SMC1B: variants seen among roughly 807,000 people sequenced by gnomAD.
The protein encoded by SMC1B is structural maintenance of chromosomes 1B, also known as structural maintenance of chromosomes protein 1B.
Under a neutral mutation model 157.9 loss-of-function variants are expected in SMC1B, and 60 were observed. The observed-to-expected ratio is 0.38, with a 90% CI of 0.31 to 0.47. SMC1B has a LOEUF of 0.47. Among genes scored for constraint, SMC1B ranks in the 20% least tolerant of loss-of-function variants. The pLI, the probability that SMC1B is intolerant of heterozygous loss-of-function variation, is 0.99. For synonymous variants in SMC1B, 445 were observed against 483.0 expected (o/e 0.92, Z 1.03); for missense variants, 1,165 against 1,426.2 (o/e 0.82, Z 2.95).
chr22:45,364,884 C>A (rs1404584796), intron 15 of SMC1B, among the ~76,000 whole-genome samples: 1 of 136,528 alleles, frequency 7.3e-6, no homozygotes, highest in Non-Finnish European at 1.5e-5. Flanking sequence ...GTTGCCCAGG[C>A]TGGAGAGCAG....
chr22:45,363,045 G>T lies in SMC1B; in HGVS notation c.2421-19C>A. On this transcript the variant is annotated intron_variant, in intron 15 of 24. Transcript: ENST00000357450. ...TTCTAATCTAGTATAATAAAGTCAA[G>T]CATTACAAGTGTAAACAGAAAACTT... 6.5e-7 allele frequency: 1 copy of T among 1,528,398 alleles called. No homozygotes were observed. 94.7% of individuals were successfully genotyped at this position (1,528,398 alleles called of 1,614,324 possible).
chr22:45,372,926 G>T (rs527312925), intron 12 of SMC1B, among the ~76,000 whole-genome samples: 1 of 151,960 alleles, frequency 6.6e-6, no homozygotes, highest in African/African-American at 2.4e-5. Flanking sequence ...TGTTAGCCAG[G>T]ATCATCTCGA....
At chr22:45,366,352 T>C (rs2086776008) in intron 15 of SMC1B, among the ~76,000 whole-genome samples, 1 of 152,120 alleles carries the variant, frequency 6.6e-6, no homozygotes, top group African/African-American at 2.4e-5. Flanking sequence ...AGAACCTCAA[T>C]AAACATTGTA....
At chr22:45,356,212 T>C (rs1432951241) in intron 19 of SMC1B, among the ~76,000 whole-genome samples, 1 of 152,178 alleles carries the variant, frequency 6.6e-6, no homozygotes, top group Non-Finnish European at 1.5e-5. Flanking sequence ...GATCCACTTC[T>C]CCATCCTGGA....
At chr22:45,409,717 A>C (rs1459637931) in intron 1 of SMC1B, among the ~76,000 whole-genome samples, 1 of 152,192 alleles carries the variant, frequency 6.6e-6, no homozygotes, top group Non-Finnish European at 1.5e-5. Flanking sequence ...TGATACTGTT[A>C]TCTTTTGAAA....
intron 15 of SMC1B, among the ~76,000 whole-genome samples, chr22:45,364,020 T>C (rs1315487962): frequency 6.6e-6 from 1 of 152,124 alleles, no homozygotes. Flanking sequence ...GGCTAATTTT[T>C]GTATTTTTAA....
intron 1 of SMC1B, among the ~76,000 whole-genome samples, chr22:45,411,103 A>C (rs919386111): frequency 1.3e-5 from 2 of 152,254 alleles, no homozygotes; most frequent in Admixed American, 1.3e-4. Context: ...TATTCCATTA[A>C]ATTTCATTAA....
chr22:45,364,278 C>CA (rs1373661530), intron 15 of SMC1B, among the ~76,000 whole-genome samples: 2 of 152,154 alleles, frequency 1.3e-5, no homozygotes, highest in African/African-American at 4.8e-5. Flanking sequence ...CCTGCCCCCC[C>CA]ACCACACCCT....
chr22:45,413,556 C>T lies in SMC1B; in HGVS notation c.12G>A (p.Leu4=). 6.2e-7 allele frequency: 1 copy of T among 1,607,926 alleles called. No homozygotes were observed. ...TGAAATTTTCCACAAGCAGCAGCTCCAGGTGGGCCATGGCGCCGCCCTCCA... is the reference window on the plus strand; with the variant it reads ...TGAAATTTTCCACAAGCAGCAGCTCTAGGTGGGCCATGGCGCCGCCCTCCA... The part of the protein sequence containing the change: MAH[L]ELLLVENFKS... The change falls in exon 1 of 25, where the codon CTG becomes CTA. Residue 4 remains leucine (L), a synonymous_variant. Coordinates refer to ENST00000357450, the MANE Select transcript of SMC1B (RefSeq NM_148674.5).
At chr22:45,408,251 G>T (rs1444196221) in intron 2 of SMC1B, among the ~76,000 whole-genome samples, 1 of 152,088 alleles carries the variant, frequency 6.6e-6, no homozygotes, top group Non-Finnish European at 1.5e-5. Context: ...TCAGCCTCCC[G>T]AGTAGCTGGG....
chr22:45,402,804 C>A (rs2087212578), intron 4 of SMC1B, among the ~76,000 whole-genome samples: 1 of 152,200 alleles, frequency 6.6e-6, no homozygotes, highest in Non-Finnish European at 1.5e-5. Context: ...ATGATGAGAA[C>A]AAAGAAGTGG....
At chr22:45,371,413 T>C in intron 14 of SMC1B, 58 bp downstream of exon 14, 1 of 1,473,782 alleles carries the variant, frequency 6.8e-7, no homozygotes, top group Non-Finnish European at 8.9e-7. Flanking sequence ...AAGCCCTAAA[T>C]CTAGTATCTG....
chr22:45,392,107 C>G (rs1275473620), intron 9 of SMC1B, among the ~76,000 whole-genome samples: 1 of 152,090 alleles, frequency 6.6e-6, no homozygotes, highest in Non-Finnish European at 1.5e-5. Context: ...CCACCACGCC[C>G]AGCTAAATTT....
At chr22:45,394,660 A>T (rs2087102657) in intron 8 of SMC1B, 25 bp downstream of exon 8, 1 of 1,502,020 alleles carries the variant, frequency 6.7e-7, no homozygotes, top group Admixed American at 2.4e-5. Context: ...AAATTGCTGC[A>T]AGAAATTTTT....
In SMC1B at chr22:45,407,386, G is replaced by GAC. The variant is rs1384012752; in HGVS notation, c.299-523_299-522dup. Among the ~76,000 whole-genome samples the GAC allele has an allele frequency of 6.6e-5, 10 of 152,060 alleles. No individual in the cohort carries two copies. In the East Asian group the frequency reaches 1.3e-3, roughly 21 times the overall value. On this transcript the variant is annotated intron_variant, in intron 2 of 24. Transcript: ENST00000357450. ...TGATAGCTTATCTTCACATGTACAG[G>GAC]ACAAAGGACAGAACTCAGTCATCCC...
At position 45,344,558 on chromosome 22, in the gene SMC1B, A is replaced by G; in HGVS notation, c.3706T>C (p.Ter1236GlnextTer16). The change falls in exon 25 of 25, where the codon TAG becomes CAG. Residue 1236 changes from the stop codon to glutamine, a stop_lost. Transcript: ENST00000357450. Reference sequence around the variant, plus strand: ...AGGTGACTGCTGCAGGACTGCCCCTAGCGGGACTCTCCGTGTCTCTTGCTG... The same window carrying G: ...AGGTGACTGCTGCAGGACTGCCCCTGGCGGGACTCTCCGTGTCTCTTGCTG... ...ESSKRHGESR[*>Q] 1 of 1,610,718 alleles carries G rather than the reference A, an allele frequency of 6.2e-7. No homozygotes were observed. Among genetic ancestry groups the G allele is most frequent in the Non-Finnish European group, 8.5e-7 (1 of 1,176,892 alleles).
chr22:45,353,922 A>G, intron 21 of SMC1B, 56 bp downstream of exon 21: 2 of 1,033,198 alleles, frequency 1.9e-6, no homozygotes, highest in Non-Finnish European at 2.8e-6. Context: ...AAAAAAAAAC[A>G]ACCACCACCG....
chr22:45,388,986 C>CAAAAAAAAAAAAAA (rs371475132), intron 10 of SMC1B, among the ~76,000 whole-genome samples: 1 of 54,446 alleles, frequency 1.8e-5, no homozygotes, highest in Non-Finnish European at 3.5e-5. Context: ...GACTCTGCCT[C>CAAAAAAAAAAAAAA]AAAAAAAAAA....
Position 45,408,879 on chromosome 22 carries a change from A to G in SMC1B, c.129T>C (p.Asp43=). ...TCTCTCCCATTACAAAACTAAGTGC[A>G]TCCATTACATTAGATTTTCCTGGGG... ...PNGSGKSNVM[D]ALSFVMGEKI... Residue 43 remains aspartate (D), a synonymous_variant, in exon 2 of 25, where the codon GAT becomes GAC. Coordinates refer to ENST00000357450, the MANE Select transcript of SMC1B (RefSeq NM_148674.5). 1 of 1,525,126 alleles carries G rather than the reference A, an allele frequency of 6.6e-7. No homozygotes were observed. Among genetic ancestry groups the G allele is most frequent in the Non-Finnish European group, 8.8e-7 (1 of 1,140,140 alleles). 94.5% of individuals were successfully genotyped at this position (1,525,126 alleles called of 1,614,324 possible).
Sources: gnomAD v4.1 joint callset for allele counts (sites outside exome capture counted in the v4.1 genomes callset) on GRCh38, gnomAD v4.1.1 for gene constraint, MANE v1.5 for transcripts, NCBI Gene and HGNC (gene_info 2026-07-23, HGNC 2026-07-21) for gene names.